Variants in LAMA1 observed in about 807,000 individuals in gnomAD.
LAMA1 encodes laminin subunit alpha-1.
In LAMA1, 219 loss-of-function variants were observed where a neutral mutation model predicts 348.7. That is an observed-to-expected ratio of 0.63 (90% CI 0.56 to 0.70). The LOEUF (loss-of-function observed/expected upper bound fraction) is 0.70, where lower values mean the gene tolerates loss of function less well. Ranked by LOEUF, LAMA1 falls within the 30% of genes least tolerant of loss-of-function variation. The probability of loss-of-function intolerance (pLI) is 0.00; values close to 1 mark genes in which losing one functional copy is unlikely to be tolerated. For missense variants in LAMA1, 3,744 were observed against 3,888.0 expected (o/e 0.96, Z 0.99); for synonymous variants, 1,487 against 1,491.0 (o/e 1.00, Z 0.06).
Position 6,955,432 on chromosome 18 carries a change from C to A in LAMA1, c.8128G>T (p.Val2710Phe). 3 of 1,614,110 alleles carry A rather than the reference C, an allele frequency of 1.9e-6. No individual in the cohort carries two copies. The highest frequency in any genetic ancestry group is 1.6e-4 in the Middle Eastern group (1 of 6,062). ...QCVVDAALEYVPGAHQFGLTQ... is the reference protein window; with the variant it reads ...QCVVDAALEYFPGAHQFGLTQ... The stretch of plus-strand genomic sequence containing the variant: ...AGACCAAACTGGTGAGCGCCGGGAA[C>A]GTACTCCAGAGCTGCATCCACCACA... The change falls in exon 57 of 63, where the codon GTT becomes TTT. Residue 2710 changes from valine (V) to phenylalanine (F), a missense_variant. Physicochemically the swap from Val to Phe is conservative, Grantham distance 50 (BLOSUM62 -1). Around this residue, in one of 3 missense-constraint regions of LAMA1, gnomAD observed 1,983 missense variants for 1,934.3 expected, o/e 1.03. Transcript: ENST00000389658.
At chr18:6,942,655 C>G (rs1346625026) in intron 62 of LAMA1, among the ~76,000 whole-genome samples, 1 of 152,128 alleles carries the variant, frequency 6.6e-6, no homozygotes, top group African/African-American at 2.4e-5. Flanking sequence ...CTCAAGTGAT[C>G]CACCCACCTT....
At position 7,017,293 on chromosome 18, in the gene LAMA1, C is replaced by G; in HGVS notation, c.2793G>C (p.Gln931His). Residue 931 changes from glutamine (Q) to histidine (H), a missense_variant, in exon 20 of 63, where the codon CAG (glutamine) becomes CAC (histidine). Gln to His is a conservative substitution (Grantham distance 24, BLOSUM62 0). Coordinates refer to ENST00000389658, the MANE Select transcript of LAMA1 (RefSeq NM_005559.4). ...CDCKPNVTGQ[Q>H]CDQCLHGYYG... The stretch of plus-strand genomic sequence containing the variant: ...TGCATCTTACCAAGCACTGGTCACA[C>G]TGCTGTCCAGTCACGTTTGGTTTGC... 1 of 1,612,964 alleles carries G rather than the reference C, an allele frequency of 6.2e-7. No homozygotes were observed. Among genetic ancestry groups the G allele is most frequent in the Non-Finnish European group, 8.5e-7 (1 of 1,179,042 alleles).
chr18:6,972,087 C>T (rs1413409682), intron 47 of LAMA1, 106 bp from the exon 48 acceptor site: 12 of 1,395,064 alleles, frequency 8.6e-6, no homozygotes, highest in Non-Finnish European at 1.2e-5. Context: ...TCTAACAGAT[C>T]CAAATTTTGA....
At chr18:7,009,169 G>A in intron 27 of LAMA1, 70 bp downstream of exon 27, 1 of 1,549,950 alleles carries the variant, frequency 6.5e-7, no homozygotes, top group South Asian at 1.1e-5. Context: ...TGGAAGTGAA[G>A]TGAGTCAAAT....
intron 33 of LAMA1, among the ~76,000 whole-genome samples, chr18:6,996,785 AT>A (rs1425975638): frequency 6.6e-6 from 1 of 152,216 alleles, no homozygotes; most frequent in African/African-American, 2.4e-5. Flanking sequence ...TCTCAAAAAA[AT>A]AATAAAATAA....
intron 1 of LAMA1, among the ~76,000 whole-genome samples, chr18:7,102,624 G>C (rs193210707): frequency 3.2e-4 from 48 of 152,252 alleles, no homozygotes; most frequent in Admixed American, 2.8e-3. Flanking sequence ...AGGTGTCTGA[G>C]ACTTTCAGAA....
intron 19 of LAMA1, among the ~76,000 whole-genome samples, chr18:7,019,064 C>A (rs924415911): frequency 1.3e-5 from 2 of 151,828 alleles, no homozygotes; most frequent in African/African-American, 4.8e-5. Context: ...TTCTCCACTG[C>A]CCCCATCAAA....
intron 3 of LAMA1, among the ~76,000 whole-genome samples, chr18:7,064,539 C>A (rs1023393854): frequency 6.6e-6 from 1 of 152,154 alleles, no homozygotes; most frequent in Non-Finnish European, 1.5e-5. Context: ...AAAACCAGAG[C>A]CCCAAACTCA....
Position 6,982,369 on chromosome 18 carries a change from G to A in LAMA1, c.5890+128C>T, listed in dbSNP as rs2057715604. 20 of 814,600 alleles carry A rather than the reference G, an allele frequency of 2.5e-5. No individual in the cohort carries two copies. The South Asian group carries it at 2.7e-4, about 11-fold the overall frequency. 50.5% of individuals were successfully genotyped at this position (814,600 alleles called of 1,614,324 possible). On this transcript the variant is annotated intron_variant, in intron 41 of 62. Coordinates refer to ENST00000389658, the MANE Select transcript of LAMA1 (RefSeq NM_005559.4). ...GGAAAATTTATATGATAGGAAATTG[G>A]AATATAAATGGGACACAGAAATGCT...
chr18:7,107,808 A>ATC, intron 1 of LAMA1, among the ~76,000 whole-genome samples: 1 of 146,550 alleles, frequency 6.8e-6, no homozygotes, highest in East Asian at 2.1e-4. Flanking sequence ...AGGTCAGGAG[A>ATC]TTGAGACCGT....
intron 3 of LAMA1, among the ~76,000 whole-genome samples, chr18:7,079,012 TA>T (rs200174484): frequency 3.0e-4 from 45 of 151,454 alleles, no homozygotes; most frequent in South Asian, 2.1e-3. Flanking sequence ...AAATAAAAAA[TA>T]AAAAAAAATT....
In LAMA1 at chr18:6,947,272, G is replaced by A. The variant is rs2057526352; in HGVS notation, c.8735C>T (p.Ser2912Leu). ...AAACTCCAGTGTGATGTTCACATCT[G>A]ACTGGACTTTGTAGCCCTCTTTGAC... ...ALVKEGYKVQ[S>L]DVNITLEFRT... The change falls in exon 61 of 63, where the codon TCA becomes TTA. Residue 2912 changes from serine to leucine, a missense_variant. By Grantham distance (145) the Ser-to-Leu change is moderately radical. Around this residue, in one of 3 missense-constraint regions of LAMA1, gnomAD observed 232 missense variants for 264.4 expected, o/e 0.88. Transcript: ENST00000389658. 1 of 1,613,950 alleles carries A rather than the reference G, an allele frequency of 6.2e-7. No homozygotes were observed. Among genetic ancestry groups the A allele is most frequent in the South Asian group, 1.1e-5 (1 of 91,060 alleles).
chr18:6,960,999 T>TAAC (rs2057604606), intron 53 of LAMA1, among the ~76,000 whole-genome samples: 1 of 152,242 alleles, frequency 6.6e-6, no homozygotes, highest in Non-Finnish European at 1.5e-5. Context: ...GACAGTGTGC[T>TAAC]AACATTCTGT....
intron 1 of LAMA1, among the ~76,000 whole-genome samples, chr18:7,109,864 C>T (rs931220432): frequency 7.9e-5 from 12 of 152,044 alleles, no homozygotes; most frequent in Admixed American, 2.0e-4. Context: ...TGAAAGGACA[C>T]GAGCTAGCAT....
chr18:6,945,862 T>A (rs1239546201), intron 61 of LAMA1, among the ~76,000 whole-genome samples: 1 of 152,024 alleles, frequency 6.6e-6, no homozygotes, highest in African/African-American at 2.4e-5. Flanking sequence ...GATATGGCTA[T>A]GGCTCAGCTG....
Position 6,983,122 on chromosome 18 carries a change from T to C in LAMA1, c.5773A>G (p.Arg1925Gly). ...ACCAGGCTCGTCTCAGTCACAGTCCTGTGAGCATCTCTGGCCAGTTCCTCC... is the reference window on the plus strand; with the variant it reads ...ACCAGGCTCGTCTCAGTCACAGTCCCGTGAGCATCTCTGGCCAGTTCCTCC... ...ESEELARDAH[R>G]TVTETSLLSE... Residue 1925 changes from arginine to glycine, a missense_variant, in exon 40 of 63, where the codon AGG becomes GGG. By Grantham distance (125) the Arg-to-Gly change is moderately radical. Coordinates refer to ENST00000389658, the MANE Select transcript of LAMA1 (RefSeq NM_005559.4). 1 of 1,614,156 alleles carries C rather than the reference T, an allele frequency of 6.2e-7. No homozygotes were observed. Among genetic ancestry groups the C allele is most frequent in the Non-Finnish European group, 8.5e-7 (1 of 1,180,028 alleles).
chr18:7,112,706 G>A (rs560579530), intron 1 of LAMA1, among the ~76,000 whole-genome samples: 184 of 149,988 alleles, frequency 1.2e-3, no homozygotes, highest in African/African-American at 4.3e-3. Flanking sequence ...GCACGATCTC[G>A]GCTCACCACA....
intron 49 of LAMA1, 192 bp from the exon 50 acceptor site, chr18:6,965,624 A>G (rs918072015): frequency 9.9e-6 from 6 of 604,834 alleles, no homozygotes; most frequent in Non-Finnish European, 1.8e-5. Context: ...ACTAATATAA[A>G]TGAAATGTCA....
intron 3 of LAMA1, among the ~76,000 whole-genome samples, chr18:7,052,725 C>CA (rs2058066792): frequency 7.1e-6 from 1 of 140,632 alleles, no homozygotes; most frequent in Non-Finnish European, 1.5e-5. Flanking sequence ...GAAACTGTCT[C>CA]AAAAAATAAA....
Sources: allele counts gnomAD v4.1 joint callset (sites outside exome capture counted in the v4.1 genomes callset), GRCh38; gene constraint gnomAD v4.1.1; regional missense constraint gnomAD v4.1.1; transcripts MANE v1.5; gene names NCBI Gene and HGNC (gene_info 2026-07-23, HGNC 2026-07-21).